Variants in RNF17 observed in about 807,000 individuals in gnomAD.
RNF17 encodes the protein ring finger protein 17.
A neutral mutation model predicts 200.5 loss-of-function variants in RNF17; 31 were observed. The ratio of observed to expected loss-of-function variants is 0.15; its 90% confidence interval spans 0.12 to 0.21. The LOEUF (loss-of-function observed/expected upper bound fraction) is 0.21. Among genes scored for constraint, RNF17 ranks in the 10% least tolerant of loss-of-function variants. The probability of loss-of-function intolerance (pLI) is 1.00; values close to 1 mark genes in which losing one functional copy is unlikely to be tolerated. For synonymous variants in RNF17, 606 were observed against 637.8 expected, an observed-to-expected ratio of 0.95 and a Z score of 0.75; for missense variants, 1,628 against 1,905.1, an observed-to-expected ratio of 0.85 and a Z score of 2.71.
At chr13:24,770,766 C>A (rs1880543500) in intron 2 of RNF17, among the ~76,000 whole-genome samples, 1 of 152,160 alleles carries the variant, frequency 6.6e-6, no homozygotes, top group Non-Finnish European at 1.5e-5. Context: ...TTTCTTTTAG[C>A]AACCTTCATC....
At chr13:24,884,375 G>T (rs778219526), downstream of RNF17, 2 of 1,614,150 alleles carry the variant, frequency 1.2e-6, no homozygotes, top group South Asian at 1.1e-5. Context: ...GAAAGTGACA[G>T]TGATGGTCTT....
At chr13:24,794,045 G>T (rs900172735) in intron 10 of RNF17, 1 of 361,226 alleles carries the variant, frequency 2.8e-6, no homozygotes, top group Non-Finnish European at 5.4e-6. Context: ...TTGATACAAG[G>T]GATGTTGCCA....
At chr13:24,807,284 A>G (rs1306405673) in intron 15 of RNF17, among the ~76,000 whole-genome samples, 22 of 151,372 alleles carry the variant, frequency 1.5e-4, no homozygotes, top group Non-Finnish European at 2.1e-4. Context: ...AAGTGTTCCT[A>G]TTTCTCCACA....
Position 24,879,217 on chromosome 13 carries a change from T to C in RNF17, c.4804T>C (p.Tyr1602His). 2 of 1,613,770 alleles carry C rather than the reference T, an allele frequency of 1.2e-6. No homozygotes were observed. Among genetic ancestry groups the C allele is most frequent in the Non-Finnish European group, 8.5e-7 (1 of 1,179,692 alleles). Reference protein sequence around the residue: ...APAPEQIVTLYDDEQHPVHMP... With the variant: ...APAPEQIVTLHDDEQHPVHMP... ...AGCACCAGAACAGATAGTGACATTA[T>C]ATGACGATGAACAGCATCCAGTTCA... is the stretch of plus-strand genomic sequence containing the variant. Residue 1602 changes from tyrosine (Y) to histidine (H), a missense_variant, in exon 35 of 36, where the codon TAT becomes CAT. By Grantham distance (83) the Tyr-to-His change is moderately conservative (BLOSUM62 2). Transcript: ENST00000255324.
chr13:24,840,105 C>T (rs755248002), intron 18 of RNF17, among the ~76,000 whole-genome samples: 51 of 152,044 alleles, frequency 3.4e-4, no homozygotes, highest in Non-Finnish European at 1.6e-4. Context: ...ATACAAATGG[C>T]CAACAAAGGT....
chr13:24,764,942 G>A (rs1879422942), intron 1 of RNF17, among the ~76,000 whole-genome samples: 1 of 151,440 alleles, frequency 6.6e-6, no homozygotes, highest in South Asian at 2.1e-4. Flanking sequence ...TATACGTGAG[G>A]GGAAAAATAC....
At chr13:24,836,685 CACT>C (rs1890031420) in intron 18 of RNF17, among the ~76,000 whole-genome samples, 1 of 152,252 alleles carries the variant, frequency 6.6e-6, no homozygotes, top group East Asian at 1.9e-4. Flanking sequence ...ACCAAGCCAC[CACT>C]ACAAGAACTA....
chr13:24,840,264 A>G (rs1249427402), intron 18 of RNF17, among the ~76,000 whole-genome samples: 2 of 152,192 alleles, frequency 1.3e-5, no homozygotes, highest in Non-Finnish European at 1.5e-5. Context: ...GAACACTTCT[A>G]CACTGCTGGC....
At chr13:24,843,647 G>T (rs1890921772) in intron 19 of RNF17, 97 bp from the exon 20 acceptor site, 1 of 702,834 alleles carries the variant, frequency 1.4e-6, no homozygotes. Context: ...TGACAAAATA[G>T]TCATATAAGT....
chr13:24,869,415 C>T (rs561885660), intron 31 of RNF17, among the ~76,000 whole-genome samples: 17 of 152,266 alleles, frequency 1.1e-4, no homozygotes, highest in Non-Finnish European at 2.5e-4. Context: ...GGTAATTTTG[C>T]TTATTTATTG....
chr13:24,883,137 A>C (rs749969436), downstream of RNF17: 1 of 1,540,706 alleles, frequency 6.5e-7, no homozygotes, highest in South Asian at 1.1e-5. Flanking sequence ...TTTTAACATA[A>C]AAAGTCAGTT....
At chr13:24,833,521 G>C (rs1410214817) in intron 18 of RNF17, among the ~76,000 whole-genome samples, 1 of 152,128 alleles carries the variant, frequency 6.6e-6, no homozygotes, top group Non-Finnish European at 1.5e-5. Context: ...CTTCCTTTAG[G>C]AATCATGTTT....
At chr13:24,812,740 G>A (rs1237721972) in intron 15 of RNF17, among the ~76,000 whole-genome samples, 7 of 141,104 alleles carry the variant, frequency 5.0e-5, no homozygotes, top group Admixed American at 8.0e-5. Flanking sequence ...GGAGTGTAGT[G>A]GCAGGATCTT....
At chr13:24,868,790 T>C (rs1262771666) in intron 31 of RNF17, 74 bp downstream of exon 31, 13 of 772,968 alleles carry the variant, frequency 1.7e-5, no homozygotes, top group Non-Finnish European at 2.7e-5. Context: ...TATAAGTGAC[T>C]CTTCACTTCT....
At chr13:24,875,982 AAG>A (rs1894814847) in intron 33 of RNF17, among the ~76,000 whole-genome samples, 2 of 152,360 alleles carry the variant, frequency 1.3e-5, no homozygotes, top group African/African-American at 4.8e-5. Context: ...GCAATTTTGC[AAG>A]AGTTTTACCT....
chr13:24,840,282 T>A (rs1470591432), intron 18 of RNF17, among the ~76,000 whole-genome samples: 1 of 152,162 alleles, frequency 6.6e-6, no homozygotes, highest in African/African-American at 2.4e-5. Flanking sequence ...GGCAGGATTG[T>A]AAACTAGTAC....
At chr13:24,755,114 C>A in the RNF17 span, among the ~76,000 whole-genome samples, 1 of 152,162 alleles carries the variant, frequency 6.6e-6, no homozygotes, top group Non-Finnish European at 1.5e-5. Flanking sequence ...AATTGATATA[C>A]TGTGATCTAA....
At chr13:24,887,215 A>AAGAC in the RNF17 span, among the ~76,000 whole-genome samples, 1 of 152,210 alleles carries the variant, frequency 6.6e-6, no homozygotes, top group African/African-American at 2.4e-5. Flanking sequence ...AAAGAGCAAA[A>AAGAC]AGACAAGCCA....
intron 5 of RNF17, among the ~76,000 whole-genome samples, chr13:24,780,057 C>T (rs1382347967): frequency 1.3e-5 from 2 of 152,134 alleles, no homozygotes; most frequent in Non-Finnish European, 2.9e-5. Flanking sequence ...CTGTATCCCC[C>T]TTAGTGAGTC....
Sources: gnomAD v4.1 joint callset for allele counts (sites outside exome capture counted in the v4.1 genomes callset) on GRCh38, gnomAD v4.1.1 for gene constraint, MANE v1.5 for transcripts, NCBI Gene and HGNC (gene_info 2026-07-23, HGNC 2026-07-21) for gene names.